PRKN: variants seen among roughly 807,000 people sequenced by gnomAD.
PRKN encodes the protein E3 ubiquitin-protein ligase parkin.
Under a neutral mutation model 59.5 loss-of-function variants are expected in PRKN, and 56 were observed. That is an observed-to-expected ratio of 0.94 (90% CI 0.76 to 1.18). PRKN has a LOEUF of 1.18. PRKN is among the 50% of genes most tolerant of loss of function. The probability of loss-of-function intolerance (pLI) is 0.00; values close to 1 mark genes in which losing one functional copy is unlikely to be tolerated. For synonymous variants in PRKN, 250 were observed against 222.1 expected, an observed-to-expected ratio of 1.13 and a Z score of -1.12; for missense variants, 657 against 596.4, an observed-to-expected ratio of 1.10 and a Z score of -1.06.
intron 1 of PRKN, among the ~76,000 whole-genome samples, chr6:162,642,329 T>C (rs1361473106): frequency 6.6e-6 from 1 of 152,154 alleles, no homozygotes; most frequent in Non-Finnish European, 1.5e-5. Flanking sequence ...ACCAAAAATA[T>C]TAAAAAATTA....
intron 6 of PRKN, among the ~76,000 whole-genome samples, chr6:161,853,668 T>C (rs1793526251): frequency 6.6e-6 from 1 of 152,218 alleles, no homozygotes; most frequent in Admixed American, 6.5e-5. Context: ...TGAATTCCTT[T>C]GGAAATTAAA....
chr6:162,120,034 T>A (rs1209991204), intron 4 of PRKN, among the ~76,000 whole-genome samples: 1 of 152,188 alleles, frequency 6.6e-6, no homozygotes, highest in African/African-American at 2.4e-5. Context: ...TTGTTGTTAT[T>A]TCAGGTAGGG....
chr6:161,537,101 A>C (rs1296733133), intron 9 of PRKN, among the ~76,000 whole-genome samples: 3 of 152,194 alleles, frequency 2.0e-5, no homozygotes, highest in Non-Finnish European at 2.9e-5. Context: ...TTCACATAAA[A>C]GAGTTTTTGA....
chr6:162,341,738 C>T (rs1048862197), intron 2 of PRKN, among the ~76,000 whole-genome samples: 1 of 151,818 alleles, frequency 6.6e-6, no homozygotes, highest in African/African-American at 2.4e-5. Flanking sequence ...AGGGGACCAA[C>T]ACACACTGGG....
intron 9 of PRKN, among the ~76,000 whole-genome samples, chr6:161,438,084 G>A (rs1272901718): frequency 6.6e-6 from 1 of 152,038 alleles, no homozygotes; most frequent in Non-Finnish European, 1.5e-5. Flanking sequence ...ATATTCCATG[G>A]GTTAATATAA....
At chr6:162,545,807 G>A (rs570555156) in intron 1 of PRKN, among the ~76,000 whole-genome samples, 123 of 152,198 alleles carry the variant, frequency 8.1e-4, no homozygotes, top group African/African-American at 2.9e-3. Flanking sequence ...GAGAAAATAA[G>A]TCTAAAAATT....
At chr6:162,031,557 T>A (rs1320966294) in intron 5 of PRKN, among the ~76,000 whole-genome samples, 1 of 145,694 alleles carries the variant, frequency 6.9e-6, no homozygotes, top group Non-Finnish European at 1.5e-5. Flanking sequence ...TTTTTTGAGA[T>A]AGCATTTCAC....
At chr6:161,647,570 C>G (rs1467645605) in intron 7 of PRKN, among the ~76,000 whole-genome samples, 1 of 150,664 alleles carries the variant, frequency 6.6e-6, no homozygotes, top group Non-Finnish European at 1.5e-5. Context: ...TGGGCCCATA[C>G]TCAGAGAGTA....
chr6:162,312,992 T>C (rs1299188638), intron 2 of PRKN, among the ~76,000 whole-genome samples: 1 of 152,188 alleles, frequency 6.6e-6, no homozygotes, highest in Non-Finnish European at 1.5e-5. Context: ...ATCACATATA[T>C]ACCTTAAAAA....
intron 1 of PRKN, among the ~76,000 whole-genome samples, chr6:162,714,340 C>G (rs1778646758): frequency 1.3e-5 from 2 of 152,164 alleles, no homozygotes; most frequent in Non-Finnish European, 2.9e-5. Context: ...GGGCCTTTGT[C>G]TAACCAGGGG....
intron 4 of PRKN, among the ~76,000 whole-genome samples, chr6:162,185,903 A>G (rs1177501585): frequency 5.3e-5 from 8 of 152,148 alleles, no homozygotes; most frequent in Admixed American, 5.2e-4. Context: ...ATAATGATGT[A>G]CCAACTAAAG....
chr6:161,741,583 G>A (rs759886347), intron 7 of PRKN, among the ~76,000 whole-genome samples: 7 of 152,118 alleles, frequency 4.6e-5, no homozygotes, highest in Non-Finnish European at 1.0e-4. Flanking sequence ...GATCCCCACT[G>A]ACCTGGGAGA....
In PRKN at chr6:161,579,917, G is replaced by A. The variant is rs1272042644; in HGVS notation, c.872-10501C>T. On this transcript the variant is annotated intron_variant, in intron 7 of 11. Coordinates refer to ENST00000366898, the MANE Select transcript of PRKN (RefSeq NM_004562.3). The surrounding 1 kb of genome is among the most constrained non-coding windows in gnomAD (Gnocchi z 4.2). ...GGCATAACTGCATTCATTACTGAAA[G>A]GCATCTTTCAAATTCTTATAAAAAA... is the stretch of plus-strand genomic sequence containing the variant. Among the ~76,000 whole-genome samples the A allele has an allele frequency of 6.6e-6, 1 of 152,066 alleles. No homozygotes were observed. The highest frequency in any genetic ancestry group is 1.9e-4 in the East Asian group (1 of 5,192).
chr6:161,816,096 C>A (rs1252285375), intron 6 of PRKN, among the ~76,000 whole-genome samples: 2 of 152,114 alleles, frequency 1.3e-5, no homozygotes, highest in Non-Finnish European at 2.9e-5. Flanking sequence ...CAGGAAGCCA[C>A]CCAAATGTTC....
At chr6:161,779,793 T>C (rs994588386) in intron 7 of PRKN, among the ~76,000 whole-genome samples, 10 of 152,122 alleles carry the variant, frequency 6.6e-5, no homozygotes, top group African/African-American at 2.2e-4. Context: ...ATTTTATGTG[T>C]CTTGTTCTAT....
At chr6:162,091,637 A>T (rs567492398) in intron 4 of PRKN, among the ~76,000 whole-genome samples, 1 of 152,356 alleles carries the variant, frequency 6.6e-6, no homozygotes, top group African/African-American at 2.4e-5. Flanking sequence ...TATACAGGGC[A>T]GACAGGGTAT....
intron 4 of PRKN, among the ~76,000 whole-genome samples, chr6:162,096,289 G>A (rs950076267): frequency 1.3e-5 from 2 of 152,096 alleles, no homozygotes; most frequent in Non-Finnish European, 2.9e-5. Context: ...CTATAAATTA[G>A]CTATTAATCC....
At chr6:162,436,176 C>CAAAA (rs35792526) in intron 2 of PRKN, among the ~76,000 whole-genome samples, 67 of 54,696 alleles carry the variant, frequency 1.2e-3, no homozygotes, top group African/African-American at 4.2e-3. Context: ...ACTCCATCTC[C>CAAAA]AAAAAAAAAA....
intron 1 of PRKN, among the ~76,000 whole-genome samples, chr6:162,725,772 A>G (rs375957869): frequency 1.1e-4 from 4 of 36,964 alleles, no homozygotes; most frequent in African/African-American, 3.8e-4. Flanking sequence ...CAAAAAGAGG[A>G]AAAAAAAAAA....
Sources: allele counts gnomAD v4.1 joint callset (sites outside exome capture counted in the v4.1 genomes callset), GRCh38; gene constraint gnomAD v4.1.1; non-coding constraint Gnocchi (gnomAD v3.1); transcripts MANE v1.5; gene names NCBI Gene and HGNC (gene_info 2026-07-23, HGNC 2026-07-21).